The following NELL1 variants were observed in gnomAD, a reference collection of about 807,000 sequenced individuals.
The protein encoded by NELL1 is neural EGFL like 1.
In NELL1, 76 loss-of-function variants were observed where a neutral mutation model predicts 107.4. The observed-to-expected ratio is 0.71, with a 90% CI of 0.59 to 0.86. The LOEUF (loss-of-function observed/expected upper bound fraction) is 0.86. Ranked by LOEUF, NELL1 falls within the 40% of genes least tolerant of loss-of-function variation. The pLI, the probability that NELL1 is intolerant of heterozygous loss-of-function variation, is 0.00. For synonymous variants in NELL1, 353 were observed against 341.2 expected, an observed-to-expected ratio of 1.03 and a Z score of -0.38; for missense variants, 1,024 against 1,005.5, an observed-to-expected ratio of 1.02 and a Z score of -0.25.
At chr11:21,012,743 G>A (rs933600035) in intron 12 of NELL1, among the ~76,000 whole-genome samples, 3 of 152,092 alleles carry the variant, frequency 2.0e-5, no homozygotes, top group Non-Finnish European at 4.4e-5. Flanking sequence ...GGGAGATGAA[G>A]CTGTCCTCTT....
intron 3 of NELL1, among the ~76,000 whole-genome samples, chr11:20,844,198 C>A (rs77842461): frequency 6.6e-6 from 1 of 152,026 alleles, no homozygotes; most frequent in Non-Finnish European, 1.5e-5. Context: ...CCATGCCTAG[C>A]GCATGGTGAC....
At chr11:20,841,303 C>T (rs1848617915) in intron 3 of NELL1, among the ~76,000 whole-genome samples, 1 of 151,146 alleles carries the variant, frequency 6.6e-6, no homozygotes, top group Non-Finnish European at 1.5e-5. Flanking sequence ...ACATAATACA[C>T]AGCACCTCTG....
intron 2 of NELL1, among the ~76,000 whole-genome samples, chr11:20,751,726 G>A (rs1442308676): frequency 1.3e-5 from 2 of 152,070 alleles, no homozygotes; most frequent in Non-Finnish European, 2.9e-5. Flanking sequence ...CTGGCCTCAA[G>A]CAATCCTCCT....
intron 13 of NELL1, among the ~76,000 whole-genome samples, chr11:21,176,986 A>T (rs1487769418): frequency 6.6e-6 from 1 of 151,806 alleles, no homozygotes; most frequent in Non-Finnish European, 1.5e-5. Flanking sequence ...TACAAAAAAT[A>T]ATTGTGTATA....
chr11:20,796,798 G>C (rs1297865776), intron 3 of NELL1, among the ~76,000 whole-genome samples: 1 of 152,190 alleles, frequency 6.6e-6, no homozygotes. Context: ...TATTGTTAGT[G>C]CCCTGATAGG....
At chr11:20,962,048 T>A (rs1379126342) in intron 12 of NELL1, among the ~76,000 whole-genome samples, 1 of 151,940 alleles carries the variant, frequency 6.6e-6, no homozygotes, top group East Asian at 1.9e-4. Flanking sequence ...TATAATAATT[T>A]TGTCTTCTTA....
At chr11:20,919,736 A>G (rs1217410016) in intron 7 of NELL1, among the ~76,000 whole-genome samples, 1 of 152,142 alleles carries the variant, frequency 6.6e-6, no homozygotes, top group Non-Finnish European at 1.5e-5. Flanking sequence ...CAAAATAGCT[A>G]TTGTTAGGAA....
At chr11:21,369,868 G>T (rs1323424805) in intron 14 of NELL1, among the ~76,000 whole-genome samples, 1 of 152,020 alleles carries the variant, frequency 6.6e-6, no homozygotes, top group African/African-American at 2.4e-5. Flanking sequence ...TTGTTAGAAT[G>T]AGAGTTTTAC....
chr11:21,448,317 T>C (rs529947158), intron 15 of NELL1, among the ~76,000 whole-genome samples: 2 of 152,138 alleles, frequency 1.3e-5, no homozygotes. Flanking sequence ...GATATTAAAA[T>C]TTTTTTATGC....
Position 20,960,504 on chromosome 11 carries a change from C to A in NELL1, c.1244C>A (p.Thr415Asn). The change falls in exon 12 of 20, where the codon ACT becomes AAT. Residue 415 changes from threonine (T) to asparagine (N), a missense_variant. Coordinates refer to ENST00000357134, the MANE Select transcript of NELL1 (RefSeq NM_006157.5). ...TGCAAAAACTGGAATACAAAAGCTA[C>A]TTGTGAGTGCAAGAGTGGTTACATC... is the stretch of plus-strand genomic sequence containing the variant. ...SECKNWNTKA[T>N]CECKSGYISV... The A allele has an allele frequency of 2.5e-6, 4 of 1,613,930 alleles. No individual in the cohort carries two copies. The highest frequency in any genetic ancestry group is 3.4e-6 in the Non-Finnish European group (4 of 1,179,860).
rs140600587 is a variant in NELL1, at chr11:21,044,383, G to A, written c.1301-69206G>A. 2.5e-4 allele frequency among the ~76,000 whole-genome samples: 38 copies of A among 152,270 alleles called. 1 individual carries two copies. The highest frequency in any genetic ancestry group is 8.2e-4 in the African/African-American group (34 of 41,562). The stretch of plus-strand genomic sequence containing the variant: ...GGCAGAAAGCTGCCAGAAAGGAAGA[G>A]TGAATTAAAAGTAAGAATGTGGAGA... On this transcript the variant is annotated intron_variant, in intron 12 of 19. Coordinates refer to ENST00000357134, the MANE Select transcript of NELL1 (RefSeq NM_006157.5).
intron 14 of NELL1, among the ~76,000 whole-genome samples, chr11:21,257,372 C>G (rs182584907): frequency 3.9e-3 from 593 of 152,098 alleles, no homozygotes; most frequent in African/African-American, 0.011. Flanking sequence ...TATGATAATA[C>G]TTTATCTAGA....
intron 15 of NELL1, among the ~76,000 whole-genome samples, chr11:21,460,456 T>G (rs552759557): frequency 1.3e-5 from 2 of 152,118 alleles, no homozygotes; most frequent in Non-Finnish European, 2.9e-5. Context: ...TAATTCTGCC[T>G]TGGTTATTGG....
intron 14 of NELL1, among the ~76,000 whole-genome samples, chr11:21,291,797 A>G (rs563923186): frequency 6.6e-6 from 1 of 152,286 alleles, no homozygotes; most frequent in Non-Finnish European, 1.5e-5. Context: ...AACGTAACCC[A>G]TCAGATAAAC....
At chr11:21,467,598 C>A (rs192571917) in intron 15 of NELL1, among the ~76,000 whole-genome samples, 2,122 of 152,112 alleles carry the variant, frequency 0.014, 55 homozygotes, top group African/African-American at 0.049. Flanking sequence ...TAGCCATGCT[C>A]AGCCTTTTAC....
At chr11:21,091,455 T>C (rs1854518779) in intron 12 of NELL1, among the ~76,000 whole-genome samples, 1 of 152,214 alleles carries the variant, frequency 6.6e-6, no homozygotes, top group African/African-American at 2.4e-5. Flanking sequence ...CATTTTCAAC[T>C]TTAGAGAGCA....
intron 12 of NELL1, among the ~76,000 whole-genome samples, chr11:21,103,668 C>T (rs1187933164): frequency 6.6e-6 from 1 of 152,176 alleles, no homozygotes; most frequent in Non-Finnish European, 1.5e-5. Flanking sequence ...TAGTATTGCA[C>T]TCTTACATCT....
chr11:20,960,319 C>A, intron 11 of NELL1, 113 bp from the exon 12 acceptor site: 1 of 1,119,520 alleles, frequency 8.9e-7, no homozygotes, highest in Admixed American at 2.3e-5. Flanking sequence ...TGCATACTGC[C>A]AAAGTGTATT....
At chr11:21,098,301 A>G (rs1046136097) in intron 12 of NELL1, among the ~76,000 whole-genome samples, 1 of 152,150 alleles carries the variant, frequency 6.6e-6, no homozygotes, top group Non-Finnish European at 1.5e-5. Flanking sequence ...AGGATTACTT[A>G]TCACCTTCTT....
Sources: gnomAD v4.1 joint callset for allele counts (sites outside exome capture counted in the v4.1 genomes callset) on GRCh38, gnomAD v4.1.1 for gene constraint, MANE v1.5 for transcripts, NCBI Gene and HGNC (gene_info 2026-07-23, HGNC 2026-07-21) for gene names.